CTNNA2: variants seen among roughly 807,000 people sequenced by gnomAD.
CTNNA2 encodes the protein catenin alpha-2.
In CTNNA2, 42 loss-of-function variants were observed where a neutral mutation model predicts 101.0. That is an observed-to-expected ratio of 0.42 (90% CI 0.32 to 0.54). The LOEUF is 0.54. Among genes scored for constraint, CTNNA2 ranks in the 20% least tolerant of loss-of-function variants. The probability of loss-of-function intolerance (pLI) is 0.14; values close to 1 mark genes in which losing one functional copy is unlikely to be tolerated. For synonymous variants in CTNNA2, 450 were observed against 456.4 expected (o/e 0.99, Z 0.18); for missense variants, 871 against 1,223.1 (o/e 0.71, Z 4.29).
chr2:79,368,771 A>T (rs1157743095), intron 3 of CTNNA2, among the ~76,000 whole-genome samples: 1 of 152,206 alleles, frequency 6.6e-6, no homozygotes, highest in Non-Finnish European at 1.5e-5. Flanking sequence ...ATGTATAGGC[A>T]ACTTAGAGAA....
intron 4 of CTNNA2, among the ~76,000 whole-genome samples, chr2:79,389,537 T>C (rs1297123483): frequency 6.6e-6 from 1 of 152,198 alleles, no homozygotes. Context: ...TTGTTAATGG[T>C]GAATTATTGT....
At chr2:80,638,648 G>GAA in intron 18 of CTNNA2, among the ~76,000 whole-genome samples, 1 of 151,702 alleles carries the variant, frequency 6.6e-6, no homozygotes, top group Non-Finnish European at 1.5e-5. Flanking sequence ...TTATTGGTGA[G>GAA]AAAAAAAATG....
intron 7 of CTNNA2, among the ~76,000 whole-genome samples, chr2:80,093,889 T>C (rs1193563545): frequency 2.6e-5 from 4 of 152,148 alleles, no homozygotes; most frequent in African/African-American, 9.7e-5. Context: ...GAGTTCATTG[T>C]AGATTCTGGA....
intron 2 of CTNNA2, among the ~76,000 whole-genome samples, chr2:79,294,013 C>A (rs11904528): frequency 0.15 from 22,222 of 151,768 alleles, 1,957 homozygotes; most frequent in African/African-American, 0.25. Flanking sequence ...TGTCTTAGTC[C>A]GCTTGGTCTG....
intron 1 of CTNNA2, among the ~76,000 whole-genome samples, chr2:79,626,498 C>T (rs1679312173): frequency 6.6e-6 from 1 of 152,102 alleles, no homozygotes; most frequent in Non-Finnish European, 1.5e-5. Context: ...CTTGAACTTG[C>T]TCTGTGCAAA....
chr2:80,404,521 A>G (rs1440838918), intron 8 of CTNNA2, among the ~76,000 whole-genome samples: 2 of 152,214 alleles, frequency 1.3e-5, no homozygotes, highest in African/African-American at 4.8e-5. Flanking sequence ...GTATGTGGTT[A>G]CATGTGTCTA....
chr2:80,633,419 G>A (rs1672497811), intron 18 of CTNNA2, among the ~76,000 whole-genome samples: 1 of 152,168 alleles, frequency 6.6e-6, no homozygotes, highest in African/African-American at 2.4e-5. Context: ...CTGATGGCAA[G>A]ATTGGGAGTT....
intron 15 of CTNNA2, among the ~76,000 whole-genome samples, chr2:80,591,455 C>CTTTTTTTTTTTTTTTTTT (rs1553401282): frequency 1.9e-4 from 11 of 57,560 alleles, no homozygotes; most frequent in East Asian, 5.7e-4. Flanking sequence ...TCTGCACAGC[C>CTTTTTTTTTTTTTTTTTT]TGTTTTTTTT....
intron 7 of CTNNA2, among the ~76,000 whole-genome samples, chr2:80,158,354 T>A (rs1704107652): frequency 6.6e-6 from 1 of 152,154 alleles, no homozygotes. Flanking sequence ...TCACATGCAT[T>A]TCACATGTCA....
In CTNNA2 at chr2:79,408,193, T is replaced by G. The variant is rs374119746; in HGVS notation, c.-135+34180T>G. 2.6e-4 allele frequency among the ~76,000 whole-genome samples: 40 copies of G among 152,126 alleles called. No homozygotes were observed. In the East Asian group the frequency reaches 2.9e-3, roughly 11 times the overall value. ...TGGCTTGAGATTCTAAAACATCCAC[T>G]TCTTCCTCCATGCCCAAAGTACAGC... On this transcript the variant is annotated intron_variant, in intron 4 of 21. Coordinates refer to the CTNNA2 transcript ENST00000466387.
intron 3 of CTNNA2, among the ~76,000 whole-genome samples, chr2:79,795,202 A>G (rs547538988): frequency 2.3e-4 from 35 of 152,284 alleles, no homozygotes; most frequent in Middle Eastern, 3.4e-3. Flanking sequence ...AATAAAGTCA[A>G]TTTATACAAA....
Position 80,110,367 on chromosome 2 carries a change from A to AT in CTNNA2, c.1056+200576dup, listed in dbSNP as rs200305441. Among the ~76,000 whole-genome samples, 551 of 152,194 alleles carry AT rather than the reference A, an allele frequency of 3.6e-3. 13 individuals carry two copies. Among genetic ancestry groups the AT allele is most frequent in the East Asian group, 0.027 (140 of 5,170 alleles). ...TATTTTAGAGGTTAAAATGTAAGTAATTTTTTCAGTTATGTAGCTGATCAT... is the reference window on the plus strand; with the variant it reads ...TATTTTAGAGGTTAAAATGTAAGTAATTTTTTTCAGTTATGTAGCTGATCAT... On this transcript the variant is annotated intron_variant, in intron 7 of 18. Coordinates refer to ENST00000402739, the MANE Select transcript of CTNNA2 (RefSeq NM_001282597.3).
intron 7 of CTNNA2, among the ~76,000 whole-genome samples, chr2:80,247,574 G>T (rs938772952): frequency 2.0e-5 from 3 of 152,164 alleles, no homozygotes; most frequent in African/African-American, 7.2e-5. Context: ...GGAGGAGATA[G>T]TGCCACGTCT....
At chr2:80,074,151 G>A (rs1698532009) in intron 7 of CTNNA2, among the ~76,000 whole-genome samples, 1 of 151,782 alleles carries the variant, frequency 6.6e-6, no homozygotes, top group African/African-American at 2.4e-5. Flanking sequence ...GATTTATTTA[G>A]TATTTATTTA....
chr2:79,352,600 T>A lies in CTNNA2; in HGVS notation c.-317-21231T>A, dbSNP rs188127455. Among the ~76,000 whole-genome samples the A allele has an allele frequency of 2.0e-5, 3 of 152,334 alleles. No homozygotes were observed. The East Asian group carries it at 5.8e-4, about 29-fold the overall frequency. On this transcript the variant is annotated intron_variant, in intron 3 of 21. Coordinates refer to the CTNNA2 transcript ENST00000466387. ...TCAATTTCTTTCAGTACTCCTCTGATGTGGATTATTTCATACCTTCTACTA... is the reference window on the plus strand; with the variant it reads ...TCAATTTCTTTCAGTACTCCTCTGAAGTGGATTATTTCATACCTTCTACTA...
intron 3 of CTNNA2, among the ~76,000 whole-genome samples, chr2:79,360,624 G>C (rs1160319080): frequency 1.3e-5 from 2 of 152,178 alleles, no homozygotes; most frequent in African/African-American, 4.8e-5. Flanking sequence ...GAAATACTTA[G>C]AGCCTTCTTC....
intron 9 of CTNNA2, among the ~76,000 whole-genome samples, chr2:80,522,664 A>G (rs1689670972): frequency 1.3e-5 from 2 of 151,938 alleles, no homozygotes; most frequent in South Asian, 4.1e-4. Flanking sequence ...CCATCCCCTT[A>G]GTGCTGCTTG....
At chr2:80,167,977 C>T (rs1573281904) in intron 7 of CTNNA2, among the ~76,000 whole-genome samples, 1 of 152,294 alleles carries the variant, frequency 6.6e-6, no homozygotes, top group East Asian at 1.9e-4. Flanking sequence ...TTTGTGTGCT[C>T]ACTTTACTGA....
intron 4 of CTNNA2, among the ~76,000 whole-genome samples, chr2:79,394,899 A>T (rs2104475371): frequency 6.6e-6 from 1 of 152,264 alleles, no homozygotes; most frequent in East Asian, 1.9e-4. Context: ...ATTTAGTAAG[A>T]GGTTACATTG....
Sources: allele counts gnomAD v4.1 joint callset (sites outside exome capture counted in the v4.1 genomes callset), GRCh38; gene constraint gnomAD v4.1.1; transcripts MANE v1.5; gene names NCBI Gene and HGNC (gene_info 2026-07-23, HGNC 2026-07-21).